The following PCNT variants were observed in gnomAD, a reference collection of about 807,000 sequenced individuals.
PCNT encodes kendrin.
Under a neutral mutation model 380.4 loss-of-function variants are expected in PCNT, and 319 were observed. The ratio of observed to expected loss-of-function variants is 0.84; its 90% CI spans 0.77 to 0.92. The LOEUF (loss-of-function observed/expected upper bound fraction) is 0.92, where lower values mean the gene tolerates loss of function less well. PCNT is among the 40% of genes least tolerant of loss of function. The pLI is 0.00. For missense variants in PCNT, 4,400 were observed against 4,255.3 expected (o/e 1.03, Z -0.95); for synonymous variants, 1,845 against 1,735.2 (o/e 1.06, Z -1.57).
chr21:46,432,197 G>A lies in PCNT; in HGVS notation c.8733G>A (p.Gln2911=). 2.5e-6 allele frequency: 4 copies of A among 1,610,702 alleles called. No individual in the cohort carries two copies. Among genetic ancestry groups the A allele is most frequent in the Non-Finnish European group, 3.4e-6 (4 of 1,179,156 alleles). The stretch of plus-strand genomic sequence containing the variant: ...CTGCGGAGCAGTGGAGGAAGTGGCA[G>A]AGAGACAAGGAGAAGCTGGTGAGAG... ...PAAAEQWRKW[Q]RDKEKLRELE... Residue 2911 remains glutamine, a synonymous_variant, in exon 38 of 47, where the codon CAG becomes CAA. Coordinates refer to ENST00000359568, the MANE Select transcript of PCNT (RefSeq NM_006031.6).
Position 46,403,921 on chromosome 21 carries a change from C to G in PCNT, c.5115+1438C>G, listed in dbSNP as rs374886799. ...CGTGGGAGAATTGTGTGTGTGGTGC[C>G]CACGCGGCGCGTGCTCGGTGAATGA... On this transcript the variant is annotated intron_variant, in intron 27 of 46. Coordinates refer to ENST00000359568, the MANE Select transcript of PCNT (RefSeq NM_006031.6). 3.7e-3 allele frequency among the ~76,000 whole-genome samples: 370 copies of G among 101,348 alleles called. 3 individuals carry two copies. Among genetic ancestry groups the G allele is most frequent in the South Asian group, 7.2e-3 (19 of 2,654 alleles). The allele number at this position is 101,348 out of a possible 152,430, so 66.5% of individuals were successfully genotyped here.
Position 46,416,799 on chromosome 21 carries a change from C to G in PCNT, c.6881C>G (p.Ser2294Cys), listed in dbSNP as rs1321252611. ...GCGCTGGCACTGCAGTGGGCCGAGT[C>G]TCCGCCGGCTGACGACCACCATGTG... Reference protein sequence around the residue: ...AAALALQWAESPPADDHHVQR... With the variant: ...AAALALQWAECPPADDHHVQR... Residue 2294 changes from serine (S) to cysteine (C), a missense_variant, in exon 30 of 47, where the codon TCT becomes TGT. Transcript: ENST00000359568. 3.1e-6 allele frequency: 5 copies of G among 1,599,922 alleles called. No individual in the cohort carries two copies. Among genetic ancestry groups the G allele is most frequent in the South Asian group, 1.1e-5 (1 of 90,898 alleles).
At chr21:46,358,771 C>T (rs1323039805) in intron 13 of PCNT, among the ~76,000 whole-genome samples, 1 of 151,750 alleles carries the variant, frequency 6.6e-6, no homozygotes, top group Non-Finnish European at 1.5e-5. Context: ...ATTACAGGTG[C>T]ACACCACCAT....
At chr21:46,334,013 T>C (rs182539537) in intron 2 of PCNT, among the ~76,000 whole-genome samples, 11 of 152,146 alleles carry the variant, frequency 7.2e-5, no homozygotes, top group South Asian at 2.1e-4. Flanking sequence ...AAGACCATCT[T>C]GGCTAACATG....
In PCNT at chr21:46,363,341, C is replaced by T. The variant is rs1277003126; in HGVS notation, c.2155-139C>T. 8.4e-6 allele frequency: 6 copies of T among 710,068 alleles called. No homozygotes were observed. The African/African-American group carries it at 1.1e-4, about 13-fold the overall frequency. 44.0% of individuals were successfully genotyped at this position (710,068 alleles called of 1,614,324 possible). A position where few individuals can be genotyped will look rare whatever the true frequency, so the allele number is the denominator to read the frequency against. ...CTTCCATTGTCATCAACATGAGAAT[C>T]ATTCCTGTTGCTGTGTGCAGCGTAA... On this transcript the variant is annotated intron_variant, in intron 13 of 46. Transcript: ENST00000359568.
intron 15 of PCNT, among the ~76,000 whole-genome samples, chr21:46,379,237 C>T (rs28385599): frequency 0.14 from 19,518 of 139,630 alleles, 1,323 homozygotes; most frequent in South Asian, 0.21. Context: ...TCCGGGGCTG[C>T]GTGTCGTGAG....
At chr21:46,422,368 C>T (rs1353231255) in intron 32 of PCNT, among the ~76,000 whole-genome samples, 2 of 152,176 alleles carry the variant, frequency 1.3e-5, no homozygotes, top group African/African-American at 4.8e-5. Context: ...GTCCTGTGAG[C>T]CCGTGGGCAG....
rs150892737 is a variant in PCNT, at chr21:46,357,008, C to T, written c.1971C>T (p.Asp657=). The change falls in exon 13 of 47, where the codon GAC becomes GAT. Residue 657 remains aspartate (D), a synonymous_variant. Transcript: ENST00000359568. ...GGGTGCATCTCCAGGGTGTGCAGGA[C>T]GGGGACTTGGAGGCCGACACAGAGC... ...LPWVHLQGVQ[D]GDLEADTERA... is the part of the protein sequence containing the mutation. 14 of 1,614,038 alleles carry T rather than the reference C, an allele frequency of 8.7e-6. No individual in the cohort carries two copies. Among genetic ancestry groups the T allele is most frequent in the Admixed American group, 6.7e-5 (4 of 60,010 alleles).
chr21:46,370,924 A>G lies in PCNT; in HGVS notation c.3165+3785A>G, dbSNP rs182422617. 8.7e-4 allele frequency among the ~76,000 whole-genome samples: 133 copies of G among 152,250 alleles called. 1 individual carries two copies. Among genetic ancestry groups the G allele is most frequent in the African/African-American group, 2.9e-3 (119 of 41,564 alleles). The stretch of plus-strand genomic sequence containing the variant: ...GTGGTGGGCGCCTGTAGTCCCAGCT[A>G]TTCTGGAGGTTGAAGCAGGAGAGTG... On this transcript the variant is annotated intron_variant, in intron 15 of 46. Transcript: ENST00000359568.
intron 11 of PCNT, among the ~76,000 whole-genome samples, chr21:46,354,603 C>T (rs566351232): frequency 2.6e-5 from 4 of 152,266 alleles, no homozygotes; most frequent in Non-Finnish European, 4.4e-5. Context: ...TGAGCAAGCC[C>T]GGTGTCGGGC....
rs202221024 is a variant in PCNT, at chr21:46,391,238, C to T, written c.4078C>T (p.Arg1360Cys). 3.4e-5 allele frequency: 55 copies of T among 1,607,556 alleles called. No homozygotes were observed. The East Asian group carries it at 6.9e-4, about 20-fold the overall frequency. Residue 1360 changes from arginine (R) to cysteine (C), a missense_variant, in exon 21 of 47, where the codon CGT becomes TGT. Arg to Cys is a radical substitution (Grantham distance 180). Transcript: ENST00000359568. Reference protein sequence around the residue: ...VLAGKEDSEHRLVLELESLRR... With the variant: ...VLAGKEDSEHCLVLELESLRR... Reference sequence around the variant, plus strand: ...GGCCGGGAAGGAGGATTCCGAGCACCGTCTGGTGCTGGAGCTGGAGAGCCT... The same window carrying T: ...GGCCGGGAAGGAGGATTCCGAGCACTGTCTGGTGCTGGAGCTGGAGAGCCT...
intron 13 of PCNT, among the ~76,000 whole-genome samples, chr21:46,358,052 G>A (rs2084541464): frequency 6.6e-6 from 1 of 152,210 alleles, no homozygotes; most frequent in Non-Finnish European, 1.5e-5. Flanking sequence ...TGGAGCAGTG[G>A]ATTTCAAGTG....
chr21:46,396,000 A>G, intron 21 of PCNT, among the ~76,000 whole-genome samples: 1 of 148,820 alleles, frequency 6.7e-6, no homozygotes, highest in Non-Finnish European at 1.5e-5. Flanking sequence ...AATAAAATAG[A>G]GACTTCAGGA....
intron 15 of PCNT, among the ~76,000 whole-genome samples, chr21:46,370,428 G>A (rs1222442885): frequency 1.3e-5 from 2 of 151,658 alleles, no homozygotes; most frequent in Non-Finnish European, 1.5e-5. Context: ...CATCCTGGGT[G>A]TCGCGCTAGG....
At chr21:46,324,789 G>A in intron 1 of PCNT, 1 of 783,416 alleles carries the variant, frequency 1.3e-6, no homozygotes, top group Non-Finnish European at 1.5e-6. Flanking sequence ...TTTCCTGCGC[G>A]GCCGGGGCCG....
chr21:46,347,151 G>T (rs1189495690), intron 5 of PCNT, among the ~76,000 whole-genome samples, 153 bp downstream of exon 5: 2 of 152,238 alleles, frequency 1.3e-5, no homozygotes. Context: ...ACCATGAGAG[G>T]GGTGAACAAA....
chr21:46,375,637 C>T (rs1268427550), intron 15 of PCNT, among the ~76,000 whole-genome samples: 2 of 152,168 alleles, frequency 1.3e-5, no homozygotes, highest in African/African-American at 2.4e-5. Context: ...TGGCTGAGGA[C>T]GCACGCTTCT....
chr21:46,414,412 T>C (rs73379352), intron 29 of PCNT, among the ~76,000 whole-genome samples: 24,874 of 147,416 alleles, frequency 0.17, 3,925 homozygotes, highest in African/African-American at 0.42. Flanking sequence ...GACACACATC[T>C]GTCCACCCTC....
chr21:46,345,190 C>T (rs530837183), intron 3 of PCNT, among the ~76,000 whole-genome samples: 26 of 152,244 alleles, frequency 1.7e-4, no homozygotes, highest in Admixed American at 1.6e-3. Context: ...TGGGGAGAGT[C>T]CACAGCTTCT....
Sources: gnomAD v4.1 joint callset for allele counts (sites outside exome capture counted in the v4.1 genomes callset) on GRCh38, gnomAD v4.1.1 for gene constraint, MANE v1.5 for transcripts, NCBI Gene and HGNC (gene_info 2026-07-23, HGNC 2026-07-21) for gene names.